Variants in SLC12A7 observed in about 807,000 individuals in gnomAD.
SLC12A7 encodes the protein solute carrier family 12 member 7.
A neutral mutation model predicts 120.6 loss-of-function variants in SLC12A7; 100 were observed. The observed-to-expected ratio is 0.83, with a 90% CI of 0.71 to 0.98. The LOEUF is 0.98. SLC12A7 is among the 50% of genes least tolerant of loss of function. The pLI is 0.00. For missense variants in SLC12A7, 1,373 were observed against 1,548.1 expected (o/e 0.89, Z 1.90); for synonymous variants, 760 against 678.0 (o/e 1.12, Z -1.88).
At chr5:1,075,284 C>A in intron 15 of SLC12A7, 87 bp downstream of exon 15, 4 of 1,519,832 alleles carry the variant, frequency 2.6e-6, no homozygotes, top group Non-Finnish European at 3.6e-6. Context: ...CCCAGGGAGG[C>A]CCCTCCAGGG....
chr5:1,098,838 G>GGAT (rs1389492654), intron 1 of SLC12A7, among the ~76,000 whole-genome samples: 1 of 149,482 alleles, frequency 6.7e-6, no homozygotes, highest in African/African-American at 2.5e-5. Context: ...TCCCTGGCCT[G>GGAT]GACTTGGACA....
At chr5:1,069,377 T>C (rs1435313276) in intron 17 of SLC12A7, among the ~76,000 whole-genome samples, 3 of 152,220 alleles carry the variant, frequency 2.0e-5, no homozygotes, top group East Asian at 1.9e-4. Flanking sequence ...AGTGCGGCTG[T>C]GGTTGTGCAG....
chr5:1,074,779 C>T, intron 15 of SLC12A7, 108 bp from the exon 16 acceptor site: 2 of 1,009,896 alleles, frequency 2.0e-6, no homozygotes, highest in South Asian at 3.0e-5. Flanking sequence ...ACAGGACCCC[C>T]AGGAAAAGTC....
chr5:1,056,152 C>G (rs886880235), intron 22 of SLC12A7, among the ~76,000 whole-genome samples: 48 of 152,336 alleles, frequency 3.2e-4, no homozygotes, highest in African/African-American at 1.2e-3. Context: ...TGATCTGCAC[C>G]CCTCTCCGCC....
chr5:1,053,511 G>A (rs376231671), intron 22 of SLC12A7, 29 bp from the exon 23 acceptor site: 12 of 1,608,186 alleles, frequency 7.5e-6, no homozygotes, highest in Non-Finnish European at 9.3e-6. Context: ...CGGTCAGCGG[G>A]CGGCGGGTGC....
rs776119896 is a variant in SLC12A7 at position 1,094,151 on chromosome 5, T to C, written c.219+3A>G. On this transcript the variant is annotated splice_donor_region_variant and intron_variant, in intron 2 of 23. Coordinates refer to ENST00000264930, the MANE Select transcript of SLC12A7 (RefSeq NM_006598.3). ...ACCTTCTTCTTCTAAAAAGTAAAGTTACCTCGAAAAGTGCCATGTTCTTCC... is the reference window on the plus strand; with the variant it reads ...ACCTTCTTCTTCTAAAAAGTAAAGTCACCTCGAAAAGTGCCATGTTCTTCC... The C allele has an allele frequency of 2.5e-6, 4 of 1,609,720 alleles. No homozygotes were observed. The highest frequency in any genetic ancestry group is 3.4e-6 in the Non-Finnish European group (4 of 1,176,500).
chr5:1,061,012 A>C (rs1335245137), intron 20 of SLC12A7, among the ~76,000 whole-genome samples: 1,292 of 127,434 alleles, frequency 0.01, 26 homozygotes, highest in African/African-American at 0.034. Context: ...AGGATCCCTG[A>C]GTCTCACCCG....
At chr5:1,097,935 G>A (rs58847428) in intron 1 of SLC12A7, among the ~76,000 whole-genome samples, 31,136 of 151,852 alleles carry the variant, frequency 0.21, 3,834 homozygotes, top group East Asian at 0.35. Context: ...ACTTGGGAGT[G>A]CCCACAAACG....
Position 1,111,886 on chromosome 5 carries a change from G to A in SLC12A7, c.106C>T (p.Pro36Ser). 8.1e-7 allele frequency: 1 copy of A among 1,229,618 alleles called. No homozygotes were observed. Among genetic ancestry groups the A allele is most frequent in the South Asian group, 3.5e-5 (1 of 28,854 alleles). 76.2% of individuals were successfully genotyped at this position (1,229,618 alleles called of 1,614,324 possible). ...EAPGTPEGPEPERPSPGDGNP... is the reference protein window; with the variant it reads ...EAPGTPEGPESERPSPGDGNP... ...CGCTCACCCGGGCTGGGGCGCTCGG[G>A]CTCGGGGCCCTCGGGGGTGCCCGGA... Residue 36 changes from proline (P) to serine (S), a missense_variant, in exon 1 of 24, where the codon CCC (proline) becomes TCC (serine). By Grantham distance (74) the Pro-to-Ser change is moderately conservative. Transcript: ENST00000264930.
chr5:1,054,777 A>G (rs1735433334), intron 22 of SLC12A7, among the ~76,000 whole-genome samples: 1 of 152,134 alleles, frequency 6.6e-6, no homozygotes, highest in Admixed American at 6.6e-5. Context: ...GATCATAACC[A>G]CCAATTTCCA....
intron 12 of SLC12A7, among the ~76,000 whole-genome samples, chr5:1,077,157 A>AC (rs1465118300): frequency 2.0e-5 from 3 of 146,524 alleles, no homozygotes; most frequent in Non-Finnish European, 4.5e-5. Flanking sequence ...TCATCAGGCC[A>AC]CCCTCACCTC....
At chr5:1,132,579 G>C in the SLC12A7 span, among the ~76,000 whole-genome samples, 1 of 151,948 alleles carries the variant, frequency 6.6e-6, no homozygotes, top group African/African-American at 2.4e-5. Context: ...GCTGTTTTCT[G>C]TCCCTTCCCT....
In SLC12A7 at chr5:1,087,052, C is replaced by A; in HGVS notation, c.545-19G>T. On this transcript the variant is annotated intron_variant, in intron 5 of 23. Transcript: ENST00000264930. ...CCGCCAGCTGCGGAGACAAAGGCGGCAGCCGCGGGTCAGGGGCGCACTTGG... is the reference window on the plus strand; with the variant it reads ...CCGCCAGCTGCGGAGACAAAGGCGGAAGCCGCGGGTCAGGGGCGCACTTGG... 1 of 1,605,830 alleles carries A rather than the reference C, an allele frequency of 6.2e-7. No homozygotes were observed.
the SLC12A7 span, among the ~76,000 whole-genome samples, chr5:1,136,878 C>T: frequency 6.6e-6 from 1 of 151,192 alleles, no homozygotes; most frequent in Non-Finnish European, 1.5e-5. Flanking sequence ...CACACATATG[C>T]TCAAACAGCA....
chr5:1,100,031 C>T (rs1305385614), intron 1 of SLC12A7, among the ~76,000 whole-genome samples: 1 of 152,168 alleles, frequency 6.6e-6, no homozygotes. Context: ...GCATCCAGGG[C>T]GAGAAGAAGA....
At chr5:1,112,921 C>G (rs1287043741), upstream of SLC12A7, among the ~76,000 whole-genome samples, 4 of 149,042 alleles carry the variant, frequency 2.7e-5, no homozygotes, top group African/African-American at 1.0e-4. Context: ...CCAGTCTCCT[C>G]CACACCTGCC....
chr5:1,132,886 G>T, the SLC12A7 span, among the ~76,000 whole-genome samples: 3 of 152,190 alleles, frequency 2.0e-5, no homozygotes, highest in African/African-American at 7.2e-5. Context: ...ATTTTATTTT[G>T]ATGTAGTGTG....
At chr5:1,124,247 A>T in the SLC12A7 span, among the ~76,000 whole-genome samples, 60 of 152,362 alleles carry the variant, frequency 3.9e-4, 2 homozygotes, top group South Asian at 0.011. Context: ...CCAAGAGAAA[A>T]GTCTTTCAAA....
At chr5:1,131,998 C>T in the SLC12A7 span, among the ~76,000 whole-genome samples, 1 of 152,214 alleles carries the variant, frequency 6.6e-6, no homozygotes, top group Non-Finnish European at 1.5e-5. Context: ...GCGCTGCATT[C>T]CCAGGAGCTT....
Sources: gnomAD v4.1 joint callset for allele counts (sites outside exome capture counted in the v4.1 genomes callset) on GRCh38, gnomAD v4.1.1 for gene constraint, MANE v1.5 for transcripts, NCBI Gene and HGNC (gene_info 2026-07-23, HGNC 2026-07-21) for gene names.